SMYD3: variants seen among roughly 807,000 people sequenced by gnomAD.
SMYD3 encodes histone-lysine N-methyltransferase SMYD3.
Under a neutral mutation model 57.7 loss-of-function variants are expected in SMYD3, and 36 were observed. That is an observed-to-expected ratio of 0.62 (90% CI 0.48 to 0.82). The LOEUF (loss-of-function observed/expected upper bound fraction) is 0.82, where lower values mean the gene tolerates loss of function less well. SMYD3 is among the 40% of genes least tolerant of loss of function. The pLI, the probability that SMYD3 is intolerant of heterozygous loss-of-function variation, is 0.00. For synonymous variants in SMYD3, 211 were observed against 195.0 expected (o/e 1.08, Z -0.68); for missense variants, 515 against 538.8 (o/e 0.96, Z 0.44).
chr1:246,241,640 A>G (rs1175846737), intron 5 of SMYD3, among the ~76,000 whole-genome samples: 1 of 152,000 alleles, frequency 6.6e-6, no homozygotes, highest in African/African-American at 2.4e-5. Flanking sequence ...CTCTTTTTCT[A>G]TTGATTGGAA....
At chr1:246,256,875 T>A (rs1237432336) in intron 5 of SMYD3, among the ~76,000 whole-genome samples, 4 of 151,730 alleles carry the variant, frequency 2.6e-5, no homozygotes, top group Non-Finnish European at 5.9e-5. Flanking sequence ...GCCTCTGTTT[T>A]CATTTATTTA....
intron 5 of SMYD3, among the ~76,000 whole-genome samples, chr1:246,150,490 C>T (rs1338005426): frequency 6.6e-6 from 1 of 152,208 alleles, no homozygotes; most frequent in Non-Finnish European, 1.5e-5. Context: ...CCTAGTATTA[C>T]AAAGGTATGC....
At chr1:246,385,749 T>G (rs1490038315) in intron 1 of SMYD3, among the ~76,000 whole-genome samples, 1 of 149,728 alleles carries the variant, frequency 6.7e-6, no homozygotes, top group Non-Finnish European at 1.5e-5. Context: ...ACAAATCACT[T>G]TTTTAAAACA....
chr1:246,323,844 G>T (rs1013943434), intron 5 of SMYD3, among the ~76,000 whole-genome samples: 24 of 152,038 alleles, frequency 1.6e-4, no homozygotes, highest in Admixed American at 1.6e-3. Context: ...TCTCAGCAGG[G>T]CAAGAGACTT....
chr1:246,378,301 A>C lies in SMYD3; in HGVS notation c.165-23207T>G, dbSNP rs372690941. On this transcript the variant is annotated intron_variant, in intron 1 of 11. Transcript: ENST00000490107. ...CTGAGTGTAAACTTGATTGGATTGA[A>C]GGATTGATCCTGGGTGTGTCTGTGA... 6.6e-5 allele frequency among the ~76,000 whole-genome samples: 10 copies of C among 152,256 alleles called. No individual in the cohort carries two copies. In the East Asian group the frequency reaches 9.7e-4, roughly 15 times the overall value.
intron 10 of SMYD3, among the ~76,000 whole-genome samples, chr1:245,770,752 G>T (rs1202431548): frequency 1.3e-5 from 2 of 152,112 alleles, no homozygotes; most frequent in African/African-American, 2.4e-5. Flanking sequence ...ATATGTTTGA[G>T]AACTTAAATA....
intron 10 of SMYD3, among the ~76,000 whole-genome samples, chr1:245,853,546 T>A (rs9287181): frequency 2.0e-5 from 3 of 152,174 alleles, no homozygotes; most frequent in East Asian, 3.9e-4. Flanking sequence ...GTCTTCCCAC[T>A]ATAACATGTA....
Position 245,773,971 on chromosome 1 carries a change from G to A in SMYD3, c.1077-9822C>T, listed in dbSNP as rs567629434. On this transcript the variant is annotated intron_variant, in intron 10 of 11. Transcript: ENST00000490107. ...AATTTATTTGAACGTTTTAGTTCAA[G>A]TTTATAAAAGTTGGTTTATATTCTA... Among the ~76,000 whole-genome samples, 489 of 152,302 alleles carry A rather than the reference G, an allele frequency of 3.2e-3. 5 individuals carry two copies. The highest frequency in any genetic ancestry group is 0.017 in the South Asian group (81 of 4,826).
intron 5 of SMYD3, among the ~76,000 whole-genome samples, chr1:246,167,802 C>T (rs931657516): frequency 6.7e-4 from 102 of 152,180 alleles, no homozygotes; most frequent in African/African-American, 1.7e-3. Flanking sequence ...TGAGCCACCA[C>T]GCCCAGCCTC....
At chr1:245,861,637 G>A (rs756576052) in intron 9 of SMYD3, among the ~76,000 whole-genome samples, 18 of 152,116 alleles carry the variant, frequency 1.2e-4, no homozygotes, top group African/African-American at 3.9e-4. Context: ...TGTTCTGCGC[G>A]TCTGCACAGG....
At chr1:246,253,241 C>T (rs1012999632) in intron 5 of SMYD3, among the ~76,000 whole-genome samples, 3 of 152,164 alleles carry the variant, frequency 2.0e-5, no homozygotes, top group African/African-American at 7.2e-5. Flanking sequence ...AACACAGTTT[C>T]CACCAGTTAG....
intron 2 of SMYD3, among the ~76,000 whole-genome samples, chr1:246,348,357 A>G (rs1331891281): frequency 1.3e-5 from 2 of 152,046 alleles, no homozygotes; most frequent in African/African-American, 4.8e-5. Flanking sequence ...CAGAGGTTTT[A>G]GTGAGCCTAG....
At chr1:246,374,867 C>A (rs780783736) in intron 1 of SMYD3, among the ~76,000 whole-genome samples, 4 of 151,384 alleles carry the variant, frequency 2.6e-5, no homozygotes, top group Non-Finnish European at 4.4e-5. Flanking sequence ...CCGAGGCAGG[C>A]GGATCACCTG....
chr1:245,751,392 G>A (rs559769628), intron 11 of SMYD3, among the ~76,000 whole-genome samples: 11 of 152,114 alleles, frequency 7.2e-5, no homozygotes, highest in Non-Finnish European at 1.5e-4. Context: ...CTGAAGCTTC[G>A]AGAAACAAAG....
intron 10 of SMYD3, among the ~76,000 whole-genome samples, chr1:245,810,484 G>C (rs1427699912): frequency 6.6e-6 from 1 of 152,194 alleles, no homozygotes; most frequent in African/African-American, 2.4e-5. Context: ...TGGTCTGTGA[G>C]TAGTCAGGAA....
intron 5 of SMYD3, among the ~76,000 whole-genome samples, chr1:245,969,501 T>C (rs2058242008): frequency 6.6e-6 from 1 of 152,208 alleles, no homozygotes; most frequent in Non-Finnish European, 1.5e-5. Flanking sequence ...AGTGCTGAAT[T>C]TGCCATCCTG....
chr1:246,486,227 G>T (rs893983639), intron 1 of SMYD3, among the ~76,000 whole-genome samples: 1 of 152,106 alleles, frequency 6.6e-6, no homozygotes, highest in Admixed American at 6.6e-5. Flanking sequence ...CAGTTTGCAG[G>T]TTCATGAAAT....
intron 10 of SMYD3, among the ~76,000 whole-genome samples, chr1:245,856,839 G>T (rs192625413): frequency 3.3e-5 from 5 of 152,292 alleles, no homozygotes; most frequent in Admixed American, 3.3e-4. Context: ...CCTGGAGAAA[G>T]AAGGGTATTT....
intron 5 of SMYD3, chr1:246,326,478 A>G: frequency 3.3e-6 from 2 of 615,148 alleles, no homozygotes; most frequent in East Asian, 2.9e-5. Context: ...AAAAAAAAAA[A>G]AAATACTTCA....
Sources: allele counts gnomAD v4.1 joint callset (sites outside exome capture counted in the v4.1 genomes callset), GRCh38; gene constraint gnomAD v4.1.1; transcripts MANE v1.5; gene names NCBI Gene and HGNC (gene_info 2026-07-23, HGNC 2026-07-21).